Variants in ADH1A observed in about 807,000 individuals in gnomAD.
The protein encoded by ADH1A is alcohol dehydrogenase 1A (class I), alpha polypeptide.
In ADH1A, 29 loss-of-function variants were observed where a neutral mutation model predicts 35.2. The ratio of observed to expected loss-of-function variants is 0.82; its 90% CI spans 0.61 to 1.12. ADH1A has a LOEUF of 1.12. Among genes scored for constraint, ADH1A ranks in the 50% most tolerant of loss-of-function variants. ADH1A has a pLI of 0.00. For missense variants in ADH1A, 469 were observed against 464.7 expected, an observed-to-expected ratio of 1.01 and a Z score of -0.09; for synonymous variants, 147 against 164.8, an observed-to-expected ratio of 0.89 and a Z score of 0.83.
intron 8 of ADH1A, 89 bp from the exon 9 acceptor site, chr4:99,276,737 A>C: frequency 1.6e-6 from 2 of 1,281,304 alleles, no homozygotes; most frequent in Non-Finnish European, 2.3e-6. Flanking sequence ...CTTAGTGAAA[A>C]TCTGTCTGTT....
Position 99,282,508 on chromosome 4 carries a change from C to G in ADH1A, c.666G>C (p.Ala222=). 4 of 1,614,130 alleles carry G rather than the reference C, an allele frequency of 2.5e-6. No homozygotes were observed. Among genetic ancestry groups the G allele is most frequent in the Non-Finnish European group, 3.4e-6 (4 of 1,180,022 alleles). Residue 222 remains alanine (A), a synonymous_variant, in exon 6 of 9, where the codon GCG becomes GCC. Coordinates refer to ENST00000209668, the MANE Select transcript of ADH1A (RefSeq NM_000667.4). ...CKAAGAARII[A]VDINKDKFAK... ...CAAATTTGTCCTTGTTGATGTCCAC[C>G]GCAATGATTCTGGCTGCCCCAGCTG...
chr4:99,287,292 AATAC>A (rs1331269319), intron 2 of ADH1A, among the ~76,000 whole-genome samples: 1 of 152,242 alleles, frequency 6.6e-6, no homozygotes, highest in Non-Finnish European at 1.5e-5. Context: ...GTTGCAAATT[AATAC>A]ATAAAAATAT....
Position 99,286,838 on chromosome 4 carries a change from T to A in ADH1A, c.259+12A>T, listed in dbSNP as rs749421127. The A allele has an allele frequency of 8.1e-6, 13 of 1,612,890 alleles. No homozygotes were observed. The Admixed American group carries it at 2.2e-4, about 27-fold the overall frequency. Reference sequence around the variant, plus strand: ...GGTGAACCATCATGTTTCCTGAATGTGAATCCTGTACCTGGTTTGACTGTA... The same window carrying A: ...GGTGAACCATCATGTTTCCTGAATGAGAATCCTGTACCTGGTTTGACTGTA... On this transcript the variant is annotated intron_variant, in intron 3 of 8. Coordinates refer to ENST00000209668, the MANE Select transcript of ADH1A (RefSeq NM_000667.4).
At chr4:99,282,061 GT>G (rs1483972662) in intron 6 of ADH1A, 1 of 488,610 alleles carries the variant, frequency 2.0e-6, no homozygotes, top group Non-Finnish European at 3.6e-6. Flanking sequence ...TTAACTTACA[GT>G]TTTTAACTAA....
Position 99,280,162 on chromosome 4 carries a change from TC to T in ADH1A, c.945del (p.Trp315Ter). On this transcript the variant is annotated frameshift_variant, in exon 7 of 9. Coordinates refer to ENST00000209668, the MANE Select transcript of ADH1A (RefSeq NM_000667.4). LOFTEE classifies it high-confidence loss of function. ...NPMLLLTGRT[W>X]KGAILGGFKS... ...TACATACCACCAAGAATAGCTCCCTTCCAGGTACGTCCAGTCAGTAGCAGCA... is the reference window on the plus strand; with the variant it reads ...TACATACCACCAAGAATAGCTCCCTTCAGGTACGTCCAGTCAGTAGCAGCA... The T allele has an allele frequency of 1.2e-6, 2 of 1,613,892 alleles. No homozygotes were observed. Among genetic ancestry groups the T allele is most frequent in the Non-Finnish European group, 1.7e-6 (2 of 1,179,812 alleles).
At chr4:99,282,686 A>G (rs1159544569) in intron 5 of ADH1A, 80 bp from the exon 6 acceptor site, 5 of 1,542,498 alleles carry the variant, frequency 3.2e-6, no homozygotes, top group Non-Finnish European at 4.4e-6. Flanking sequence ...AAGCTGCTCA[A>G]ACTCTTCTGT....
intron 8 of ADH1A, among the ~76,000 whole-genome samples, chr4:99,279,017 A>G (rs984822209): frequency 6.6e-6 from 1 of 152,202 alleles, no homozygotes; most frequent in Non-Finnish European, 1.5e-5. Context: ...AATGTTGAGG[A>G]TGTCCTGAAA....
chr4:99,279,379 C>T (rs748069233), intron 8 of ADH1A, 47 bp downstream of exon 8: 30 of 1,564,010 alleles, frequency 1.9e-5, no homozygotes, highest in Non-Finnish European at 2.5e-5. Flanking sequence ...AGACAATCCC[C>T]TATGGTAGAA....
intron 1 of ADH1A, among the ~76,000 whole-genome samples, chr4:99,287,920 T>G (rs1162297753): frequency 6.6e-6 from 1 of 152,224 alleles, no homozygotes; most frequent in Admixed American, 6.5e-5. Context: ...GCCATCCTTA[T>G]GTTGTTGTTG....
At chr4:99,289,668 A>G (rs1308021260) in intron 1 of ADH1A, among the ~76,000 whole-genome samples, 1 of 152,220 alleles carries the variant, frequency 6.6e-6, no homozygotes, top group Non-Finnish European at 1.5e-5. Flanking sequence ...ATGTATAAAC[A>G]TAAATGAAAT....
intron 3 of ADH1A, chr4:99,286,566 G>T (rs1013401784): frequency 7.6e-6 from 3 of 395,094 alleles, no homozygotes; most frequent in Non-Finnish European, 9.1e-6. Flanking sequence ...ACACTAGTAG[G>T]CACTGTGTCC....
chr4:99,285,767 A>C (rs28364303), intron 3 of ADH1A, among the ~76,000 whole-genome samples: 2 of 152,232 alleles, frequency 1.3e-5, no homozygotes, highest in East Asian at 3.9e-4. Flanking sequence ...TTTAGACTGT[A>C]ATCCCAGCAC....
chr4:99,286,021 C>CAAA (rs397938892), intron 3 of ADH1A, among the ~76,000 whole-genome samples: 1,334 of 85,202 alleles, frequency 0.016, 72 homozygotes, highest in African/African-American at 0.058. Context: ...GACTCCGTCT[C>CAAA]AAAAAAAAAA....
chr4:99,280,747 GATGGTCTCCTTTTGTA>G (rs778010301), intron 6 of ADH1A, among the ~76,000 whole-genome samples: 20 of 152,136 alleles, frequency 1.3e-4, no homozygotes, highest in Non-Finnish European at 2.6e-4. Context: ...TTGTCCACTT[GATGGTCTCCTTTTGTA>G]ATGGATTCCT....
intron 8 of ADH1A, among the ~76,000 whole-genome samples, chr4:99,277,180 C>G (rs928145548): frequency 6.6e-6 from 1 of 151,888 alleles, no homozygotes; most frequent in South Asian, 2.1e-4. Context: ...CAAATTTGCA[C>G]AAATTATAAG....
chr4:99,290,556 T>C (rs1460435013), intron 1 of ADH1A, among the ~76,000 whole-genome samples: 2 of 152,200 alleles, frequency 1.3e-5, no homozygotes, highest in Non-Finnish European at 2.9e-5. Context: ...TACCTTAATA[T>C]AAAGAAAACT....
intron 6 of ADH1A, 150 bp from the exon 7 acceptor site, chr4:99,280,429 C>T (rs571425384): frequency 1.3e-4 from 174 of 1,315,736 alleles, no homozygotes; most frequent in South Asian, 3.2e-4. Context: ...CTTTTTTGCA[C>T]GGGATAGTGC....
At chr4:99,278,925 AG>A (rs1449931955) in intron 8 of ADH1A, among the ~76,000 whole-genome samples, 2 of 152,120 alleles carry the variant, frequency 1.3e-5, no homozygotes, top group African/African-American at 2.4e-5. Flanking sequence ...AAACTGCAAA[AG>A]AAAAAAAAGG....
chr4:99,283,478 A>G (rs182547516), intron 5 of ADH1A, among the ~76,000 whole-genome samples: 108 of 152,156 alleles, frequency 7.1e-4, no homozygotes, highest in Non-Finnish European at 1.1e-3. Context: ...GTGTCTATTC[A>G]TTCATTCATT....
Sources: allele counts gnomAD v4.1 joint callset (sites outside exome capture counted in the v4.1 genomes callset), GRCh38; gene constraint gnomAD v4.1.1; transcripts MANE v1.5; gene names NCBI Gene and HGNC (gene_info 2026-07-23, HGNC 2026-07-21).